Variants in WDR41 observed in about 807,000 individuals in gnomAD.
WDR41 encodes WD repeat-containing protein 41.
A neutral mutation model predicts 69.3 loss-of-function variants in WDR41; 63 were observed. The observed-to-expected ratio is 0.91, with a 90% CI of 0.74 to 1.12. The LOEUF (loss-of-function observed/expected upper bound fraction) is 1.12. Among genes scored for constraint, WDR41 ranks in the 50% most tolerant of loss-of-function variants. The pLI is 0.00. For synonymous variants in WDR41, 185 were observed against 192.1 expected, an observed-to-expected ratio of 0.96 and a Z score of 0.31; for missense variants, 543 against 534.5, an observed-to-expected ratio of 1.02 and a Z score of -0.16.
Position 77,433,073 on chromosome 5 carries a change from T to C in WDR41, c.*62A>G. ...TAAGTGATCAATATATTAATGGTTT[T>C]CAGAGTAGTACCCGATATTTGATGT... On this transcript the variant is annotated 3_prime_UTR_variant, in exon 13 of 13. Transcript: ENST00000296679. 1.3e-6 allele frequency: 2 copies of C among 1,492,836 alleles called. No individual in the cohort carries two copies. The highest frequency in any genetic ancestry group is 1.8e-6 in the Non-Finnish European group (2 of 1,117,348). 92.5% of individuals were successfully genotyped at this position (1,492,836 alleles called of 1,614,324 possible). A position where few individuals can be genotyped will look rare whatever the true frequency, so the allele number is the denominator to read the frequency against.
At chr5:77,617,737 G>A (rs573310727) in intron 1 of WDR41, among the ~76,000 whole-genome samples, 69 of 152,260 alleles carry the variant, frequency 4.5e-4, no homozygotes, top group African/African-American at 1.6e-3. Context: ...ATAACCAGAT[G>A]GAGCAACAGG....
intron 1 of WDR41, among the ~76,000 whole-genome samples, chr5:77,586,303 T>TATTC (rs1744037736): frequency 1.3e-5 from 1 of 75,376 alleles, no homozygotes; most frequent in Non-Finnish European, 3.2e-5. Context: ...TTTATTTATG[T>TATTC]ATTTATTTAT....
chr5:77,459,422 TGTTTAAA>T (rs1435500736), intron 4 of WDR41, among the ~76,000 whole-genome samples: 2 of 152,146 alleles, frequency 1.3e-5, no homozygotes, highest in South Asian at 2.1e-4. Flanking sequence ...ATATTCCAAC[TGTTTAAA>T]GTTTATTCTC....
intron 2 of WDR41, among the ~76,000 whole-genome samples, chr5:77,468,723 C>T (rs575741560): frequency 6.6e-6 from 1 of 152,212 alleles, no homozygotes; most frequent in South Asian, 2.1e-4. Flanking sequence ...AATCTTAATA[C>T]GACATTATTA....
chr5:77,433,343 A>C, intron 12 of WDR41, 56 bp from the exon 13 acceptor site: 2 of 1,531,310 alleles, frequency 1.3e-6, no homozygotes, highest in Non-Finnish European at 1.8e-6. Context: ...GAAGTGTCTA[A>C]TACCACATTA....
intron 1 of WDR41, among the ~76,000 whole-genome samples, chr5:77,537,110 G>A (rs1743001986): frequency 6.6e-6 from 1 of 152,212 alleles, no homozygotes; most frequent in Non-Finnish European, 1.5e-5. Context: ...AATCAGTACA[G>A]ACATTTTGGT....
intron 1 of WDR41, among the ~76,000 whole-genome samples, chr5:77,603,655 A>G (rs1744364044): frequency 6.6e-6 from 1 of 152,174 alleles, no homozygotes; most frequent in Admixed American, 6.5e-5. Flanking sequence ...GCCTAGACCA[A>G]TGTCTTGAGG....
chr5:77,455,719 T>A (rs1348492858), intron 5 of WDR41, among the ~76,000 whole-genome samples: 1 of 152,206 alleles, frequency 6.6e-6, no homozygotes, highest in Non-Finnish European at 1.5e-5. Flanking sequence ...CTTTCTCCCA[T>A]TAAAGGTTCT....
At chr5:77,441,116 C>A in intron 8 of WDR41, 119 bp from the exon 9 acceptor site, 1 of 995,720 alleles carries the variant, frequency 1.0e-6, no homozygotes. Context: ...AGTGAGGTAC[C>A]TAGGCAAGCC....
At chr5:77,441,116 C>G (rs1799146002) in intron 8 of WDR41, 119 bp from the exon 9 acceptor site, 2 of 995,610 alleles carry the variant, frequency 2.0e-6, no homozygotes, top group Non-Finnish European at 2.7e-6. Flanking sequence ...AGTGAGGTAC[C>G]TAGGCAAGCC....
chr5:77,468,914 C>CA (rs199499195), intron 2 of WDR41, among the ~76,000 whole-genome samples: 2 of 64,774 alleles, frequency 3.1e-5, no homozygotes, highest in African/African-American at 2.1e-4. Flanking sequence ...TCTAAAGTCT[C>CA]TTTTTTCTAT....
In WDR41 at chr5:77,463,077, T is replaced by C. The variant is rs761814929; in HGVS notation, c.348+18A>G. On this transcript the variant is annotated intron_variant, in intron 4 of 12. Transcript: ENST00000296679. The stretch of plus-strand genomic sequence containing the variant: ...TAGGCCACTACAGCTTGTTCATTTC[T>C]TCCAGATTAAAGGATACAATAACTG... 7.5e-6 allele frequency: 12 copies of C among 1,609,704 alleles called. No individual in the cohort carries two copies. Among genetic ancestry groups the C allele is most frequent in the Non-Finnish European group, 1.0e-5 (12 of 1,178,426 alleles).
At chr5:77,581,452 A>T (rs1743938112) in intron 1 of WDR41, among the ~76,000 whole-genome samples, 1 of 152,226 alleles carries the variant, frequency 6.6e-6, no homozygotes, top group Non-Finnish European at 1.5e-5. Flanking sequence ...GAACAACTAG[A>T]CAGAAAATCA....
chr5:77,526,854 C>A (rs570784150), intron 1 of WDR41, among the ~76,000 whole-genome samples: 1 of 152,080 alleles, frequency 6.6e-6, no homozygotes, highest in Non-Finnish European at 1.5e-5. Flanking sequence ...TCAATGCTAA[C>A]GTGATGATTG....
intron 2 of WDR41, among the ~76,000 whole-genome samples, chr5:77,470,649 C>T (rs1452139696): frequency 3.9e-5 from 6 of 152,100 alleles, no homozygotes; most frequent in African/African-American, 1.4e-4. Context: ...ATAAAACAGA[C>T]TTTAAACCAA....
At chr5:77,436,892 C>T (rs964516067) in intron 11 of WDR41, among the ~76,000 whole-genome samples, 1 of 152,254 alleles carries the variant, frequency 6.6e-6, no homozygotes, top group African/African-American at 2.4e-5. Flanking sequence ...TCAAACTAAA[C>T]ACCTGGAAGT....
chr5:77,478,556 C>T (rs1801074856), intron 2 of WDR41, among the ~76,000 whole-genome samples: 1 of 152,150 alleles, frequency 6.6e-6, no homozygotes, highest in Non-Finnish European at 1.5e-5. Flanking sequence ...ATCATATAAA[C>T]AGAACCAAAG....
intron 1 of WDR41, among the ~76,000 whole-genome samples, chr5:77,611,190 C>A (rs1286978878): frequency 6.6e-6 from 1 of 151,964 alleles, no homozygotes; most frequent in African/African-American, 2.4e-5. Flanking sequence ...GACTTAGACT[C>A]CCACACATTA....
intron 6 of WDR41, 26 bp downstream of exon 6, chr5:77,453,791 T>G (rs562688189): frequency 2.5e-6 from 4 of 1,571,296 alleles, no homozygotes; most frequent in Admixed American, 3.3e-5. Context: ...TCAATCATAG[T>G]TCAAAATTAC....
Sources: gnomAD v4.1 joint callset for allele counts (sites outside exome capture counted in the v4.1 genomes callset) on GRCh38, gnomAD v4.1.1 for gene constraint, MANE v1.5 for transcripts, NCBI Gene and HGNC (gene_info 2026-07-23, HGNC 2026-07-21) for gene names.